PRRC2C: variants seen among roughly 807,000 people sequenced by gnomAD.
PRRC2C encodes proline rich coiled-coil 2C, also known as protein PRRC2C.
PRRC2C carries 72 observed loss-of-function variants against 317.2 expected under a neutral mutation model. The observed-to-expected ratio is 0.23, with a 90% CI of 0.19 to 0.28. PRRC2C has a LOEUF of 0.28. Ranked by LOEUF, PRRC2C falls within the 10% of genes least tolerant of loss-of-function variation. The pLI is 1.00. For missense variants in PRRC2C, 3,074 were observed against 3,459.7 expected (o/e 0.89, Z 2.80); for synonymous variants, 1,296 against 1,205.9 (o/e 1.07, Z -1.55).
At chr1:171,578,570 A>T (rs1475970283) in intron 26 of PRRC2C, among the ~76,000 whole-genome samples, 1 of 151,940 alleles carries the variant, frequency 6.6e-6, no homozygotes, top group Non-Finnish European at 1.5e-5. Flanking sequence ...ATACTACTAT[A>T]TAAAAACAGC....
Position 171,540,715 on chromosome 1 carries a change from A to T in PRRC2C, c.3249A>T (p.Gln1083His). The T allele has an allele frequency of 6.2e-7, 1 of 1,613,972 alleles. No individual in the cohort carries two copies. ...IQPQSVPPPI[Q>H]PEAEKFPSTE... Reference sequence around the variant, plus strand: ...CACAGTCAGTTCCACCACCAATTCAACCAGAAGCAGAGAAATTTCCTTCAA... The same window carrying T: ...CACAGTCAGTTCCACCACCAATTCATCCAGAAGCAGAGAAATTTCCTTCAA... Residue 1083 changes from glutamine to histidine, a missense_variant, in exon 16 of 35, where the codon CAA becomes CAT. This residue lies in a region of PRRC2C where 1,320 missense variants were observed against 1,395.7 expected (regional missense o/e 0.95). Transcript: ENST00000647382.
intron 5 of PRRC2C, among the ~76,000 whole-genome samples, chr1:171,516,150 A>G (rs1409747164): frequency 6.6e-6 from 1 of 152,190 alleles, no homozygotes; most frequent in Non-Finnish European, 1.5e-5. Flanking sequence ...GGATTTTTTT[A>G]TACTAGTTTT....
chr1:171,531,667 C>T (rs1225274446), intron 11 of PRRC2C, among the ~76,000 whole-genome samples: 2 of 152,108 alleles, frequency 1.3e-5, no homozygotes, highest in South Asian at 2.1e-4. Context: ...TAAAACCTGT[C>T]ATTGTTTTAT....
At chr1:171,492,190 C>T (rs916803422) in intron 1 of PRRC2C, among the ~76,000 whole-genome samples, 2 of 152,132 alleles carry the variant, frequency 1.3e-5, no homozygotes, top group Non-Finnish European at 2.9e-5. Context: ...AAAGATAAAA[C>T]ATCTCCCAAC....
intron 1 of PRRC2C, among the ~76,000 whole-genome samples, chr1:171,492,690 G>A (rs1409812698): frequency 6.6e-6 from 1 of 152,042 alleles, no homozygotes; most frequent in Non-Finnish European, 1.5e-5. Flanking sequence ...CAACATTAAG[G>A]TGACCCTGTT....
intron 18 of PRRC2C, among the ~76,000 whole-genome samples, chr1:171,550,505 A>G (rs1228341457): frequency 6.7e-6 from 1 of 149,526 alleles, no homozygotes. Flanking sequence ...TCTAGGGTAC[A>G]TGTGCACAAC....
Position 171,579,941 on chromosome 1 carries a change from C to T in PRRC2C, c.7386C>T (p.Phe2462=). 1.9e-6 allele frequency: 3 copies of T among 1,571,264 alleles called. No homozygotes were observed. The highest frequency in any genetic ancestry group is 2.6e-6 in the Non-Finnish European group (3 of 1,163,804). The change falls in exon 28 of 35, where the codon TTC becomes TTT. Residue 2462 remains phenylalanine, a synonymous_variant. Transcript: ENST00000647382. ...CTGTTTCCCAGGCTCAGGAATTGTT[C>T]AGCTCCTCACTTCAACCATATAGGT... ...GPAVSQAQEL[F]SSSLQPYRSQ...
intron 1 of PRRC2C, among the ~76,000 whole-genome samples, chr1:171,495,444 T>C (rs1213379870): frequency 6.6e-6 from 1 of 152,252 alleles, no homozygotes; most frequent in Non-Finnish European, 1.5e-5. Context: ...CAAGTCTTTA[T>C]TCAAGTTATT....
chr1:171,524,837 A>G lies in PRRC2C; in HGVS notation c.1072A>G (p.Lys358Glu). 6.4e-7 allele frequency: 1 copy of G among 1,573,476 alleles called. No individual in the cohort carries two copies. Among genetic ancestry groups the G allele is most frequent in the Non-Finnish European group, 8.6e-7 (1 of 1,158,094 alleles). ...ATTTTTCAGTGAGGATCAAGGTTCA[A>G]AAGCCTCTGAAAACAACGAAAACAA... Reference protein sequence around the residue: ...KENNSEDQGSKASENNENKKE... With the variant: ...KENNSEDQGSEASENNENKKE... Residue 358 changes from lysine to glutamate, a missense_variant, in exon 10 of 35, where the codon AAA becomes GAA. Lys to Glu is a moderately conservative substitution (Grantham distance 56). Coordinates refer to ENST00000647382, the MANE Select transcript of PRRC2C (RefSeq NM_001387844.1).
intron 1 of PRRC2C, among the ~76,000 whole-genome samples, chr1:171,502,294 A>C (rs1278815393): frequency 6.6e-6 from 1 of 152,208 alleles, no homozygotes; most frequent in Non-Finnish European, 1.5e-5. Flanking sequence ...GGAACTTTTC[A>C]AAAAATACTA....
chr1:171,539,298 C>T (rs894538289), intron 15 of PRRC2C, among the ~76,000 whole-genome samples: 3 of 152,196 alleles, frequency 2.0e-5, no homozygotes, highest in Non-Finnish European at 4.4e-5. Flanking sequence ...AGCCACCGCA[C>T]CCGGCCCTAT....
At chr1:171,554,922 A>G (rs1681055374) in intron 18 of PRRC2C, among the ~76,000 whole-genome samples, 2 of 152,164 alleles carry the variant, frequency 1.3e-5, no homozygotes, top group South Asian at 2.1e-4. Context: ...ACCTTGGTGA[A>G]TCTGACAATT....
At position 171,524,829 on chromosome 1, in the gene PRRC2C, A is replaced by G. The variant is rs1345001192; in HGVS notation, c.1064A>G (p.Gln355Arg). Residue 355 changes from glutamine to arginine, a missense_variant, in exon 10 of 35, where the codon CAA becomes CGA. Physicochemically the swap from Gln to Arg is conservative, Grantham distance 43. Coordinates refer to ENST00000647382, the MANE Select transcript of PRRC2C (RefSeq NM_001387844.1). ...GCATTTTGATTTTTCAGTGAGGATCAAGGTTCAAAAGCCTCTGAAAACAAC... is the reference window on the plus strand; with the variant it reads ...GCATTTTGATTTTTCAGTGAGGATCGAGGTTCAAAAGCCTCTGAAAACAAC... ...NSPKENNSEDQGSKASENNEN... is the reference protein window; with the variant it reads ...NSPKENNSEDRGSKASENNEN... The G allele has an allele frequency of 6.4e-7, 1 of 1,566,480 alleles. No individual in the cohort carries two copies. Among genetic ancestry groups the G allele is most frequent in the Non-Finnish European group, 8.7e-7 (1 of 1,155,116 alleles).
intron 13 of PRRC2C, 30 bp from the exon 14 acceptor site, chr1:171,535,999 C>G (rs1676764844): frequency 6.4e-7 from 1 of 1,550,988 alleles, no homozygotes; most frequent in Non-Finnish European, 8.7e-7. Context: ...TGGAACTAAA[C>G]TCTCAAGATA....
At chr1:171,520,348 A>G (rs1283572911) in intron 6 of PRRC2C, among the ~76,000 whole-genome samples, 1 of 152,156 alleles carries the variant, frequency 6.6e-6, no homozygotes. Context: ...TTTTCTAATC[A>G]TTTTCAAATT....
chr1:171,557,699 A>G lies in PRRC2C; in HGVS notation c.5587A>G (p.Ile1863Val), dbSNP rs1156758847. The G allele has an allele frequency of 2.6e-6, 4 of 1,550,728 alleles. No homozygotes were observed. In the African/African-American group the frequency reaches 4.1e-5, roughly 16 times the overall value. ...ASVTILASAS[I>V]PILASALAST... ...TGTCACCATTCTTGCCTCAGCCTCAATTCCCATTCTTGCTTCAGCCCTAGC... is the reference window on the plus strand; with the variant it reads ...TGTCACCATTCTTGCCTCAGCCTCAGTTCCCATTCTTGCTTCAGCCCTAGC... The change falls in exon 19 of 35, where the codon ATT becomes GTT. Residue 1863 changes from isoleucine to valine, a missense_variant. Physicochemically the swap from Ile to Val is conservative, Grantham distance 29. Transcript: ENST00000647382.
At chr1:171,582,857 TAAAA>T (rs35348195) in intron 28 of PRRC2C, among the ~76,000 whole-genome samples, 106 of 148,012 alleles carry the variant, frequency 7.2e-4, no homozygotes, top group African/African-American at 2.6e-3. Context: ...CTAAATTTGT[TAAAA>T]AAAAAAAAAC....
rs1405244551 is a variant in PRRC2C, at chr1:171,542,163, G to T, written c.4697G>T (p.Gly1566Val). The T allele has an allele frequency of 6.9e-6, 11 of 1,605,612 alleles. No individual in the cohort carries two copies. The highest frequency in any genetic ancestry group is 8.5e-6 in the Non-Finnish European group (10 of 1,176,894). The change falls in exon 16 of 35, where the codon GGA (glycine) becomes GTA (valine). Residue 1566 changes from glycine (G) to valine (V), a missense_variant. By Grantham distance (109) the Gly-to-Val change is moderately radical. Around this residue, in one of 11 missense-constraint regions of PRRC2C, gnomAD observed 178 missense variants for 163.0 expected, o/e 1.09. Transcript: ENST00000647382. ...GGCAACAATGGTCCACCCAAATCAG[G>T]AAGGAATTTCTCAGGTCCTAGAAAT... ...RRGNNGPPKSGRNFSGPRNER... is the reference protein window; with the variant it reads ...RRGNNGPPKSVRNFSGPRNER...
intron 5 of PRRC2C, among the ~76,000 whole-genome samples, chr1:171,516,890 C>T (rs1471629062): frequency 6.6e-6 from 1 of 152,184 alleles, no homozygotes; most frequent in Non-Finnish European, 1.5e-5. Context: ...ACCCTCCACC[C>T]AAGACAGAAG....
Sources: allele counts gnomAD v4.1 joint callset (sites outside exome capture counted in the v4.1 genomes callset), GRCh38; gene constraint gnomAD v4.1.1; regional missense constraint gnomAD v4.1.1; transcripts MANE v1.5; gene names NCBI Gene and HGNC (gene_info 2026-07-23, HGNC 2026-07-21).